Variants in EBF4 observed in about 807,000 individuals in gnomAD.
EBF4 encodes transcription factor COE4.
EBF4 carries 34 observed loss-of-function variants against 67.1 expected under a neutral mutation model. The observed-to-expected ratio is 0.51, with a 90% CI of 0.39 to 0.67. EBF4 has a LOEUF of 0.67. EBF4 is among the 30% of genes least tolerant of loss of function. EBF4 has a pLI of 0.00. For synonymous variants in EBF4, 387 were observed against 377.7 expected (o/e 1.02, Z -0.29); for missense variants, 837 against 873.3 (o/e 0.96, Z 0.52).
chr20:2,729,346 C>T (rs2087784657), intron 6 of EBF4, among the ~76,000 whole-genome samples: 1 of 152,200 alleles, frequency 6.6e-6, no homozygotes, highest in South Asian at 2.1e-4. Context: ...GCATCCGGTT[C>T]TTAAAGCCAC....
intron 1 of EBF4, among the ~76,000 whole-genome samples, chr20:2,700,891 A>G (rs1309848324): frequency 6.6e-6 from 1 of 152,246 alleles, no homozygotes; most frequent in African/African-American, 2.4e-5. Flanking sequence ...TCCCCGCAAC[A>G]TGCTGTTCCT....
intron 6 of EBF4, among the ~76,000 whole-genome samples, chr20:2,717,783 C>CT (rs1311501129): frequency 6.6e-6 from 1 of 150,458 alleles, no homozygotes; most frequent in African/African-American, 2.4e-5. Context: ...TCAGTTACAG[C>CT]TTTGAATATA....
intron 6 of EBF4, among the ~76,000 whole-genome samples, chr20:2,715,515 C>T (rs999441530): frequency 1.3e-5 from 2 of 152,190 alleles, no homozygotes; most frequent in African/African-American, 4.8e-5. Flanking sequence ...TGGATACGCA[C>T]ATGATCATCT....
intron 1 of EBF4, among the ~76,000 whole-genome samples, chr20:2,699,648 A>G (rs1181032077): frequency 6.6e-6 from 1 of 152,240 alleles, no homozygotes; most frequent in Admixed American, 6.5e-5. Flanking sequence ...GCAGTCTTGC[A>G]GAAGTGGTTA....
chr20:2,715,435 T>A (rs2087595515), intron 6 of EBF4, among the ~76,000 whole-genome samples: 1 of 152,384 alleles, frequency 6.6e-6, no homozygotes. Flanking sequence ...CATTCTTGTT[T>A]GTGTCTCTTA....
At chr20:2,722,508 A>G (rs2087695238) in intron 6 of EBF4, among the ~76,000 whole-genome samples, 1 of 151,960 alleles carries the variant, frequency 6.6e-6, no homozygotes, top group African/African-American at 2.4e-5. Flanking sequence ...TCTCTAGGAT[A>G]CTCTTTGTAT....
chr20:2,748,949 AGCT>A (rs993426477), intron 7 of EBF4, among the ~76,000 whole-genome samples: 12 of 152,162 alleles, frequency 7.9e-5, no homozygotes, highest in Non-Finnish European at 1.8e-4. Flanking sequence ...CACATCCCCA[AGCT>A]GCACACCCCT....
chr20:2,708,070 G>A, intron 5 of EBF4, 50 bp downstream of exon 5: 1 of 1,559,094 alleles, frequency 6.4e-7, no homozygotes, highest in Non-Finnish European at 8.7e-7. Context: ...AGGCGTTTCT[G>A]AGGACTCTAC....
chr20:2,733,217 T>C (rs2087837316), intron 6 of EBF4, among the ~76,000 whole-genome samples: 1 of 152,248 alleles, frequency 6.6e-6, no homozygotes, highest in Non-Finnish European at 1.5e-5. Flanking sequence ...TTTAACACAA[T>C]ATATCATCTC....
rs1194809124 is a variant in EBF4, at chr20:2,693,812, C to A, written c.137+30C>A. 9 of 1,263,346 alleles carry A rather than the reference C, an allele frequency of 7.1e-6. No individual in the cohort carries two copies. Among genetic ancestry groups the A allele is most frequent in the Non-Finnish European group, 6.0e-6 (6 of 1,003,586 alleles). The allele number at this position is 1,263,346 out of a possible 1,614,324, so 78.3% of individuals were successfully genotyped here. A position where few individuals can be genotyped will look rare whatever the true frequency, so the allele number is the denominator to read the frequency against. ...GCGCTCGGACCGGACCCGGTGCGCTCGGGTTGGACGGCTGCGCGCCGCCTC... is the reference window on the plus strand; with the variant it reads ...GCGCTCGGACCGGACCCGGTGCGCTAGGGTTGGACGGCTGCGCGCCGCCTC... On this transcript the variant is annotated intron_variant, in intron 1 of 16. Coordinates refer to ENST00000609451, the Ensembl canonical transcript of EBF4. The surrounding 1 kb of genome is among the most constrained non-coding windows in gnomAD (Gnocchi z 4.6).
chr20:2,720,640 TA>T (rs1459947655), intron 6 of EBF4, among the ~76,000 whole-genome samples: 38 of 152,224 alleles, frequency 2.5e-4, no homozygotes, highest in African/African-American at 8.9e-4. Context: ...TTACGTGTTA[TA>T]AAATCCAAAA....
At chr20:2,719,819 C>T (rs540010637) in intron 6 of EBF4, among the ~76,000 whole-genome samples, 34 of 152,260 alleles carry the variant, frequency 2.2e-4, no homozygotes, top group African/African-American at 7.7e-4. Flanking sequence ...ATATGGCCCA[C>T]GTTGGTAAAT....
At chr20:2,754,828 G>A (rs1317180155) in intron 14 of EBF4, among the ~76,000 whole-genome samples, 1 of 152,168 alleles carries the variant, frequency 6.6e-6, no homozygotes, top group Non-Finnish European at 1.5e-5. Context: ...AAGTCTGTGT[G>A]CAGGAGGCTC....
At chr20:2,705,285 GC>G (rs1260499132) in intron 1 of EBF4, among the ~76,000 whole-genome samples, 1 of 152,208 alleles carries the variant, frequency 6.6e-6, no homozygotes, top group African/African-American at 2.4e-5. Flanking sequence ...AAAATGTGCT[GC>G]CCAGGGAAAA....
intron 6 of EBF4, among the ~76,000 whole-genome samples, chr20:2,726,494 T>C (rs1169449203): frequency 6.6e-6 from 1 of 151,856 alleles, no homozygotes; most frequent in Admixed American, 6.6e-5. Flanking sequence ...AGTTGGAGGA[T>C]CACTCGAACC....
Position 2,751,627 on chromosome 20 carries a change from G to T in EBF4, c.1019-73G>T. Reference sequence around the variant, plus strand: ...TCGGACTGGGCGCTGGCCTGCTTTTGGCGCCCTGCGTCTCACCCTGGGAGT... The same window carrying T: ...TCGGACTGGGCGCTGGCCTGCTTTTTGCGCCCTGCGTCTCACCCTGGGAGT... On this transcript the variant is annotated intron_variant, in intron 10 of 16. Transcript: ENST00000609451. The surrounding 1 kb of genome is among the most constrained non-coding windows in gnomAD (Gnocchi z 5.2). 1 of 1,475,938 alleles carries T rather than the reference G, an allele frequency of 6.8e-7. No homozygotes were observed. Among genetic ancestry groups the T allele is most frequent in the South Asian group, 1.2e-5 (1 of 82,440 alleles). 91.4% of individuals were successfully genotyped at this position (1,475,938 alleles called of 1,614,324 possible).
chr20:2,707,576 G>A lies in EBF4; in HGVS notation c.415-371G>A, dbSNP rs1452381602. Among the ~76,000 whole-genome samples the A allele has an allele frequency of 1.3e-5, 2 of 151,922 alleles. No homozygotes were observed. Among genetic ancestry groups the A allele is most frequent in the Non-Finnish European group, 2.9e-5 (2 of 67,954 alleles). On this transcript the variant is annotated intron_variant, in intron 4 of 16. Coordinates refer to ENST00000609451, the Ensembl canonical transcript of EBF4. The surrounding 1 kb of genome is among the most constrained non-coding windows in gnomAD (Gnocchi z 4.6). ...CAGGACATGGAGGATGCACACAGGA[G>A]GATGCTGGGGGAGGGGAGGGGCCTG...
intron 6 of EBF4, among the ~76,000 whole-genome samples, chr20:2,731,453 T>C (rs905548868): frequency 1.3e-5 from 2 of 152,132 alleles, no homozygotes; most frequent in Non-Finnish European, 2.9e-5. Context: ...GCATGCAGCT[T>C]ACTTATAAAG....
intron 1 of EBF4, among the ~76,000 whole-genome samples, chr20:2,697,738 C>T (rs986081163): frequency 2.6e-5 from 4 of 152,128 alleles, no homozygotes; most frequent in African/African-American, 9.7e-5. Context: ...CTCTGAGATC[C>T]ATTTGCCCAG....
Sources: gnomAD v4.1 joint callset for allele counts (sites outside exome capture counted in the v4.1 genomes callset) on GRCh38, gnomAD v4.1.1 for gene constraint, Gnocchi (gnomAD v3.1) non-coding constraint, MANE v1.5 for transcripts, NCBI Gene and HGNC (gene_info 2026-07-23, HGNC 2026-07-21) for gene names.